Variants in ZNF174 observed in about 807,000 individuals in gnomAD.
ZNF174 encodes the protein zinc finger protein 174.
In ZNF174, 30 loss-of-function variants were observed where a neutral mutation model predicts 38.7. The observed-to-expected ratio is 0.78, with a 90% CI of 0.58 to 1.05. ZNF174 has a LOEUF of 1.05. Among genes scored for constraint, ZNF174 ranks in the 50% least tolerant of loss-of-function variants. The pLI is 0.00. For missense variants in ZNF174, 499 were observed against 495.6 expected (o/e 1.01, Z -0.06); for synonymous variants, 201 against 181.7 (o/e 1.11, Z -0.86).
chr16:3,408,342 A>G lies in ZNF174; in HGVS notation c.647A>G (p.Asp216Gly), dbSNP rs2034081733. Residue 216 changes from aspartate (D) to glycine (G), a missense_variant, in exon 3 of 3, where the codon GAC becomes GGC. Physicochemically the swap from Asp to Gly is moderately conservative, Grantham distance 94. Transcript: ENST00000268655. ...ATAGAGGCCCCCAGAATGAGAAGTG[A>G]CAACAAGGAAAATCCACAACAGGAA... ...AGTEAPRMRSDNKENPQQEGA... is the reference protein window; with the variant it reads ...AGTEAPRMRSGNKENPQQEGA... The G allele has an allele frequency of 3.8e-6, 6 of 1,589,716 alleles. No homozygotes were observed. The highest frequency in any genetic ancestry group is 5.1e-6 in the Non-Finnish European group (6 of 1,169,246).
chr16:3,407,742 T>C (rs534279785), intron 2 of ZNF174, among the ~76,000 whole-genome samples: 1 of 152,340 alleles, frequency 6.6e-6, no homozygotes, highest in East Asian at 1.9e-4. Context: ...CTTCTGTAAT[T>C]AGGATACATG....
chr16:3,402,529 G>T, intron 1 of ZNF174, 123 bp downstream of exon 1: 2 of 982,944 alleles, frequency 2.0e-6, no homozygotes, highest in East Asian at 2.8e-5. Flanking sequence ...CGCTATCTCG[G>T]CTCACTGCAA....
rs2033932790 is a variant in ZNF174, at chr16:3,402,253, G to A, written c.249G>A (p.Glu83=). Residue 83 remains glutamate (E), a synonymous_variant, in exon 1 of 3, where the codon GAG becomes GAA. Coordinates refer to ENST00000268655, the MANE Select transcript of ZNF174 (RefSeq NM_003450.3). ...TGCAACCCGAGCTGCACACCAAGGA[G>A]CAGATTTTGGAGCTTCTGGTGATGG... ...QWLQPELHTK[E]QILELLVMEQ... 2 of 1,614,108 alleles carry A rather than the reference G, an allele frequency of 1.2e-6. No homozygotes were observed. Among genetic ancestry groups the A allele is most frequent in the East Asian group, 2.2e-5 (1 of 44,868 alleles).
chr16:3,408,987 T>A lies in ZNF174; in HGVS notation c.*68T>A. The A allele has an allele frequency of 7.0e-7, 1 of 1,428,434 alleles. No individual in the cohort carries two copies. The highest frequency in any genetic ancestry group is 9.5e-7 in the Non-Finnish European group (1 of 1,052,562). The allele number at this position is 1,428,434 out of a possible 1,614,324, so 88.5% of individuals were successfully genotyped here. ...GTTTCTCCTCCCCCTTACTTGCATG[T>A]AAATCACAAAAACTGTGTGACTTAC... On this transcript the variant is annotated 3_prime_UTR_variant, in exon 3 of 3. Transcript: ENST00000268655.
rs2034026240 is a variant in ZNF174, at chr16:3,404,650, TA to T, written c.625+5del. ...CAACCCCCAAATTGGCTGGGACAGG[TA>T]AACACTCTGCCTTTTCTCTCCCTCT... On this transcript the variant is annotated splice_donor_region_variant and intron_variant, in intron 2 of 2. Transcript: ENST00000268655. The T allele has an allele frequency of 6.2e-7, 1 of 1,614,148 alleles. No individual in the cohort carries two copies. The highest frequency in any genetic ancestry group is 1.7e-5 in the Admixed American group (1 of 60,020).
At chr16:3,406,199 G>C (rs1001988921) in intron 2 of ZNF174, among the ~76,000 whole-genome samples, 8 of 152,196 alleles carry the variant, frequency 5.3e-5, no homozygotes, top group African/African-American at 1.7e-4. Context: ...TGGTTCATCT[G>C]TTCATAGATT....
intron 2 of ZNF174, among the ~76,000 whole-genome samples, chr16:3,407,899 T>C (rs2034077035): frequency 6.6e-6 from 1 of 152,240 alleles, no homozygotes; most frequent in East Asian, 1.9e-4. Context: ...TTGAAATAGC[T>C]CAGGCATTGG....
At chr16:3,403,438 T>C (rs943569503) in intron 1 of ZNF174, among the ~76,000 whole-genome samples, 2 of 151,778 alleles carry the variant, frequency 1.3e-5, no homozygotes, top group African/African-American at 4.8e-5. Flanking sequence ...CTCAAAGTGC[T>C]GGGATTACAG....
rs372042340 is a variant in ZNF174 at position 3,405,035 on chromosome 16, T to G, written c.625+387T>G. The G allele has an allele frequency of 7.5e-6, 12 of 1,591,264 alleles. No homozygotes were observed. The African/African-American group carries it at 1.4e-4, about 18-fold the overall frequency. On this transcript the variant is annotated intron_variant, in intron 2 of 2. Transcript: ENST00000268655. ...GCCTGGTAGAAATAAAAACCCACCC[T>G]ATATCTTATATCTTTGTCCTCCTCT...
Position 3,401,895 on chromosome 16 carries a change from C to T in ZNF174, c.-110C>T. ...TGCATCCCGTTCCCCCTAACATCCTCAGAGAACCTTCGTTTCTAGAATCTT... is the reference window on the plus strand; with the variant it reads ...TGCATCCCGTTCCCCCTAACATCCTTAGAGAACCTTCGTTTCTAGAATCTT... On this transcript the variant is annotated 5_prime_UTR_variant, in exon 1 of 3. Coordinates refer to ENST00000268655, the MANE Select transcript of ZNF174 (RefSeq NM_003450.3). 7.2e-7 allele frequency: 1 copy of T among 1,386,300 alleles called. No individual in the cohort carries two copies. 85.9% of individuals were successfully genotyped at this position (1,386,300 alleles called of 1,614,324 possible).
chr16:3,403,148 G>GTTTTTTTT (rs1567340030), intron 1 of ZNF174, among the ~76,000 whole-genome samples: 1 of 57,718 alleles, frequency 1.7e-5, no homozygotes, highest in African/African-American at 7.5e-5. Flanking sequence ...TTAGCTTATA[G>GTTTTTTTT]TCTTTTTTTT....
Position 3,409,071 on chromosome 16 carries a change from G to T in ZNF174, c.*152G>T. ...GCACATTCTGCTGTGAGGAGGCCCA[G>T]AAAAGGCCAACCAGGGCCCAACCGT... On this transcript the variant is annotated 3_prime_UTR_variant, in exon 3 of 3. Transcript: ENST00000268655. 1.1e-6 allele frequency: 1 copy of T among 883,132 alleles called. No homozygotes were observed. The highest frequency in any genetic ancestry group is 1.7e-5 in the African/African-American group (1 of 60,022). The allele number at this position is 883,132 out of a possible 1,614,324, so 54.7% of individuals were successfully genotyped here. A position where few individuals can be genotyped will look rare whatever the true frequency, so the allele number is the denominator to read the frequency against.
Position 3,404,749 on chromosome 16 carries a change from AAATGTTATATAT to A in ZNF174, c.625+105_625+116del, listed in dbSNP as rs764116074. On this transcript the variant is annotated intron_variant, in intron 2 of 2. Coordinates refer to ENST00000268655, the MANE Select transcript of ZNF174 (RefSeq NM_003450.3). ...ATAGACCACATGTGTGTGTTTTTTTAAATGTTATATATAATAGTAGATGATTATTCACTAAAC... is the reference window on the plus strand; with the variant it reads ...ATAGACCACATGTGTGTGTTTTTTTAAATAGTAGATGATTATTCACTAAAC... 2.0e-6 allele frequency: 3 copies of A among 1,527,502 alleles called. No individual in the cohort carries two copies. In the Admixed American group the frequency reaches 5.5e-5, roughly 28 times the overall value. The allele number at this position is 1,527,502 out of a possible 1,614,324, so 94.6% of individuals were successfully genotyped here.
chr16:3,406,755 C>T (rs2034061082), intron 2 of ZNF174, among the ~76,000 whole-genome samples: 1 of 152,142 alleles, frequency 6.6e-6, no homozygotes. Context: ...CTTTGACGCA[C>T]ACGTTTTTCA....
chr16:3,403,030 T>C (rs1231287578), intron 1 of ZNF174, among the ~76,000 whole-genome samples: 1 of 152,102 alleles, frequency 6.6e-6, no homozygotes, highest in Non-Finnish European at 1.5e-5. Flanking sequence ...CCAACTTAGT[T>C]TTCCTACTAG....
rs1249440922 is a variant in ZNF174, at chr16:3,404,559, C to A, written c.536C>A (p.Ser179Tyr). ...DLRESSPAEPSQAGAYDRLSP... is the reference protein window; with the variant it reads ...DLRESSPAEPYQAGAYDRLSP... ...AGGGAGAGCTCTCCAGCAGAGCCTTCCCAGGCAGGAGCTTATGACCGGCTG... is the reference window on the plus strand; with the variant it reads ...AGGGAGAGCTCTCCAGCAGAGCCTTACCAGGCAGGAGCTTATGACCGGCTG... Residue 179 changes from serine to tyrosine, a missense_variant, in exon 2 of 3, where the codon TCC (serine) becomes TAC (tyrosine). Transcript: ENST00000268655. 6.2e-7 allele frequency: 1 copy of A among 1,614,212 alleles called. No homozygotes were observed. Among genetic ancestry groups the A allele is most frequent in the East Asian group, 2.2e-5 (1 of 44,878 alleles).
chr16:3,403,150 CTTTTTTTTTTTTTTTTTTTTTTT>C (rs753071209), intron 1 of ZNF174, among the ~76,000 whole-genome samples: 7 of 30,938 alleles, frequency 2.3e-4, no homozygotes, highest in East Asian at 2.1e-3. Flanking sequence ...AGCTTATAGT[CTTTTTTTTTTTTTTTTTTTTTTT>C]TTTTTTTTTT....
At chr16:3,407,421 T>A (rs962312370) in intron 2 of ZNF174, among the ~76,000 whole-genome samples, 45 of 152,342 alleles carry the variant, frequency 3.0e-4, no homozygotes, top group African/African-American at 1.1e-3. Flanking sequence ...AAGACTATTC[T>A]TTTCCCATTG....
At chr16:3,405,019 A>C in intron 2 of ZNF174, 1 of 1,605,804 alleles carries the variant, frequency 6.2e-7, no homozygotes, top group East Asian at 2.2e-5. Context: ...GGCCTGGTAG[A>C]AATAAAAACC....
Sources: allele counts gnomAD v4.1 joint callset (sites outside exome capture counted in the v4.1 genomes callset), GRCh38; gene constraint gnomAD v4.1.1; transcripts MANE v1.5; gene names NCBI Gene and HGNC (gene_info 2026-07-23, HGNC 2026-07-21).